The following TXLNB variants were observed in gnomAD, a reference collection of about 807,000 sequenced individuals.
The protein encoded by TXLNB is beta-taxilin.
In TXLNB, 37 loss-of-function variants were observed where a neutral mutation model predicts 57.4. The observed-to-expected ratio is 0.64, with a 90% CI of 0.50 to 0.85. The LOEUF (loss-of-function observed/expected upper bound fraction) is 0.85, where lower values mean the gene tolerates loss of function less well. Among genes scored for constraint, TXLNB ranks in the 40% least tolerant of loss-of-function variants. TXLNB has a pLI of 0.00. For synonymous variants in TXLNB, 302 were observed against 309.6 expected (o/e 0.98, Z 0.26); for missense variants, 848 against 825.6 (o/e 1.03, Z -0.33).
the TXLNB span, among the ~76,000 whole-genome samples, chr6:139,161,351 C>T: frequency 1.3e-5 from 2 of 152,200 alleles, no homozygotes; most frequent in East Asian, 3.9e-4. Context: ...AAGTGGCTGA[C>T]TATAAACAAG....
intron 1 of TXLNB, among the ~76,000 whole-genome samples, chr6:139,289,365 G>A (rs553346418): frequency 1.4e-3 from 217 of 152,228 alleles, no homozygotes; most frequent in African/African-American, 4.8e-3. Context: ...ACCCTCTCAC[G>A]TGCACGCACT....
intron 6 of TXLNB, among the ~76,000 whole-genome samples, chr6:139,259,158 T>C (rs1414142720): frequency 1.3e-5 from 2 of 152,208 alleles, no homozygotes; most frequent in Non-Finnish European, 2.9e-5. Context: ...TTTCATCTGA[T>C]TGCTATAGTA....
At position 139,288,809 on chromosome 6, in the gene TXLNB, C is replaced by T; in HGVS notation, c.91G>A (p.Glu31Lys). ...SSSLPSHNGL[E>K]KEDGQDSPTP... ...GGAGAATCCTGGCCATCTTCCTTCT[C>T]CAGGCCATTGTGACTGGGTAATGAT... Residue 31 changes from glutamate to lysine, a missense_variant, in exon 2 of 10, where the codon GAG becomes AAG. Transcript: ENST00000358430. 6.2e-7 allele frequency: 1 copy of T among 1,614,212 alleles called. No homozygotes were observed.
At chr6:139,196,364 G>GTTTTTTTTTTTTTTTTTTTTTTTT in the TXLNB span, among the ~76,000 whole-genome samples, 12 of 86,770 alleles carry the variant, frequency 1.4e-4, 6 homozygotes, top group African/African-American at 9.1e-5. Flanking sequence ...CTCCAGATCT[G>GTTTTTTTTTTTTTTTTTTTTTTTT]GTTTTTTTTT....
the TXLNB span, chr6:139,201,928 C>T: frequency 7.2e-5 from 11 of 152,366 alleles, no homozygotes; most frequent in East Asian, 5.8e-4. Flanking sequence ...GCTTCCTACT[C>T]GTTACAACAT....
intron 2 of TXLNB, among the ~76,000 whole-genome samples, chr6:139,278,171 G>C (rs1396556684): frequency 6.6e-6 from 1 of 152,094 alleles, no homozygotes; most frequent in Non-Finnish European, 1.5e-5. Flanking sequence ...AGTATTTAAG[G>C]CCCAGAAAAG....
chr6:139,194,738 G>T, the TXLNB span, among the ~76,000 whole-genome samples: 1 of 152,142 alleles, frequency 6.6e-6, no homozygotes, highest in Non-Finnish European at 1.5e-5. Flanking sequence ...ACTGTATAAT[G>T]TTTTTCTTTC....
At chr6:139,258,210 G>C (rs945387579) in intron 6 of TXLNB, among the ~76,000 whole-genome samples, 11 of 152,174 alleles carry the variant, frequency 7.2e-5, no homozygotes, top group Non-Finnish European at 1.3e-4. Flanking sequence ...CCCTCTCTTT[G>C]ACTCAAATCT....
chr6:139,213,839 A>T, the TXLNB span, among the ~76,000 whole-genome samples: 1 of 152,246 alleles, frequency 6.6e-6, no homozygotes, highest in Non-Finnish European at 1.5e-5. Context: ...ATCAGAGAAT[A>T]CTATAAACAC....
chr6:139,168,357 T>C, the TXLNB span, among the ~76,000 whole-genome samples: 2 of 152,060 alleles, frequency 1.3e-5, no homozygotes, highest in African/African-American at 4.8e-5. Context: ...TATCTTATTA[T>C]ATAGTACCAT....
chr6:139,262,531 C>G, intron 5 of TXLNB, 48 bp downstream of exon 5: 1 of 1,470,384 alleles, frequency 6.8e-7, no homozygotes, highest in Admixed American at 2.2e-5. Context: ...CTTTAGCTCC[C>G]AGATCCGGAT....
At chr6:139,161,864 C>T in the TXLNB span, among the ~76,000 whole-genome samples, 1 of 152,140 alleles carries the variant, frequency 6.6e-6, no homozygotes, top group African/African-American at 2.4e-5. Flanking sequence ...AATAATTGAC[C>T]AATTAACATT....
rs371730786 is a variant in TXLNB at position 139,261,324 on chromosome 6, T to C, written c.883-887A>G. ...CATTCTGGAGCGGGATTGATCCTTA[T>C]GACAAGATAAAATGGTAGCATGGCA... On this transcript the variant is annotated intron_variant, in intron 5 of 9. Coordinates refer to ENST00000358430, the MANE Select transcript of TXLNB (RefSeq NM_153235.4). 9.7e-4 allele frequency among the ~76,000 whole-genome samples: 147 copies of C among 152,220 alleles called. 1 individual carries two copies. Among genetic ancestry groups the C allele is most frequent in the African/African-American group, 3.4e-3 (142 of 41,560 alleles).
the TXLNB span, among the ~76,000 whole-genome samples, chr6:139,320,119 T>C: frequency 6.6e-6 from 1 of 152,158 alleles, no homozygotes; most frequent in Non-Finnish European, 1.5e-5. Flanking sequence ...TTATTAACTC[T>C]TTAAAATAAA....
chr6:139,180,983 T>C, the TXLNB span, among the ~76,000 whole-genome samples: 1 of 152,214 alleles, frequency 6.6e-6, no homozygotes, highest in South Asian at 2.1e-4. Context: ...GCTGCTTGCG[T>C]CATGTATCAC....
the TXLNB span, among the ~76,000 whole-genome samples, chr6:139,199,163 G>A: frequency 6.6e-6 from 1 of 151,866 alleles, no homozygotes; most frequent in South Asian, 2.1e-4. Flanking sequence ...TTCACACTCC[G>A]TTCAGCAAAA....
chr6:139,276,909 T>C lies in TXLNB; in HGVS notation c.437A>G (p.Asn146Ser), dbSNP rs1776912476. Residue 146 changes from asparagine (N) to serine (S), a missense_variant, in exon 3 of 10, where the codon AAC (asparagine) becomes AGC (serine). Coordinates refer to ENST00000358430, the MANE Select transcript of TXLNB (RefSeq NM_153235.4). ...KILKGLGKEA[N>S]LLMQNLNKLQ... ...CTTGTTCAGATTTTGCATTAGCAGG[T>C]TGGCTTCTTTGCCTTAAAAAAAAAA... 1.3e-6 allele frequency: 2 copies of C among 1,573,136 alleles called. No individual in the cohort carries two copies. The highest frequency in any genetic ancestry group is 1.7e-6 in the Non-Finnish European group (2 of 1,171,512).
chr6:139,242,404 A>T lies in TXLNB; in HGVS notation c.*122T>A. On this transcript the variant is annotated 3_prime_UTR_variant, in exon 10 of 10. Coordinates refer to ENST00000358430, the MANE Select transcript of TXLNB (RefSeq NM_153235.4). Reference sequence around the variant, plus strand: ...AATGTGTTCTGCCTAACATTAAAAAATGTCTTGATCCTAAGTCTCTTCCAT... The same window carrying T: ...AATGTGTTCTGCCTAACATTAAAAATTGTCTTGATCCTAAGTCTCTTCCAT... 1 of 764,884 alleles carries T rather than the reference A, an allele frequency of 1.3e-6. No individual in the cohort carries two copies. The highest frequency in any genetic ancestry group is 1.9e-6 in the Non-Finnish European group (1 of 536,036). The allele number at this position is 764,884 out of a possible 1,614,324, so 47.4% of individuals were successfully genotyped here. A position where few individuals can be genotyped will look rare whatever the true frequency, so the allele number is the denominator to read the frequency against.
chr6:139,187,596 G>A, the TXLNB span, among the ~76,000 whole-genome samples: 1 of 152,024 alleles, frequency 6.6e-6, no homozygotes, highest in African/African-American at 2.4e-5. Flanking sequence ...AAACGTAACT[G>A]TGGCATAAGC....
Sources: gnomAD v4.1 joint callset for allele counts (sites outside exome capture counted in the v4.1 genomes callset) on GRCh38, gnomAD v4.1.1 for gene constraint, MANE v1.5 for transcripts, NCBI Gene and HGNC (gene_info 2026-07-23, HGNC 2026-07-21) for gene names.